SGCZ: variants seen among roughly 807,000 people sequenced by gnomAD.
The protein encoded by SGCZ is sarcoglycan zeta, also known as zeta-sarcoglycan.
In SGCZ, 40 loss-of-function variants were observed where a neutral mutation model predicts 41.3. The observed-to-expected ratio is 0.97, with a 90% CI of 0.75 to 1.26. The LOEUF is 1.26. Ranked by LOEUF, SGCZ falls within the 50% of genes most tolerant of loss-of-function variation. The pLI is 0.00. For synonymous variants in SGCZ, 206 were observed against 137.5 expected, an observed-to-expected ratio of 1.50 and a Z score of -3.49; for missense variants, 552 against 369.8, an observed-to-expected ratio of 1.49 and a Z score of -4.04.
intron 2 of SGCZ, among the ~76,000 whole-genome samples, chr8:14,379,997 G>A (rs1804300393): frequency 6.6e-6 from 1 of 152,158 alleles, no homozygotes; most frequent in Non-Finnish European, 1.5e-5. Context: ...CCTCCGAAGT[G>A]CTGGGATTAC....
intron 5 of SGCZ, among the ~76,000 whole-genome samples, chr8:14,120,114 CA>C (rs1802653982): frequency 6.6e-6 from 1 of 151,806 alleles, no homozygotes; most frequent in South Asian, 2.1e-4. Flanking sequence ...GGATAGATAC[CA>C]AATTTCTAAA....
intron 1 of SGCZ, among the ~76,000 whole-genome samples, chr8:14,992,548 T>G (rs1465989716): frequency 3.4e-5 from 5 of 149,210 alleles, no homozygotes; most frequent in Admixed American, 2.0e-4. Flanking sequence ...AAAACTAATG[T>G]TGGCATTGAT....
At chr8:14,993,768 T>C (rs560301562) in intron 1 of SGCZ, among the ~76,000 whole-genome samples, 11 of 152,222 alleles carry the variant, frequency 7.2e-5, no homozygotes, top group South Asian at 4.2e-4. Context: ...AGAAGAATAA[T>C]AGGGACAAGG....
At chr8:14,628,945 C>T (rs1435362045) in intron 1 of SGCZ, among the ~76,000 whole-genome samples, 1 of 152,118 alleles carries the variant, frequency 6.6e-6, no homozygotes, top group East Asian at 1.9e-4. Context: ...TGTTGTGATT[C>T]ACCCCATTTC....
At chr8:14,866,671 A>G (rs968472536) in intron 1 of SGCZ, among the ~76,000 whole-genome samples, 10 of 152,080 alleles carry the variant, frequency 6.6e-5, no homozygotes, top group Non-Finnish European at 1.5e-4. Flanking sequence ...TGAGCTGGGC[A>G]TGATGGTGCA....
In SGCZ at chr8:14,164,606, A is replaced by G. The variant is rs775680048; in HGVS notation, c.521T>C (p.Ile174Thr). Residue 174 changes from isoleucine (I) to threonine (T), a missense_variant, in exon 5 of 8, where the codon ATT (isoleucine) becomes ACT (threonine). Physicochemically the swap from Ile to Thr is moderately conservative, Grantham distance 89. Coordinates refer to ENST00000382080, the MANE Select transcript of SGCZ (RefSeq NM_139167.4). ...TGTAACTTTCAGCTTTTCAGCCCCAATGGTAATCTCATCTTCATCTGCAGA... is the reference window on the plus strand; with the variant it reads ...TGTAACTTTCAGCTTTTCAGCCCCAGTGGTAATCTCATCTTCATCTGCAGA... ...LFSADEDEIT[I>T]GAEKLKVTGT... 2.5e-5 allele frequency: 40 copies of G among 1,613,342 alleles called. No individual in the cohort carries two copies. The highest frequency in any genetic ancestry group is 8.3e-5 in the Admixed American group (5 of 59,922).
intron 3 of SGCZ, among the ~76,000 whole-genome samples, chr8:14,291,314 G>T (rs752912096): frequency 3.3e-5 from 5 of 149,662 alleles, no homozygotes; most frequent in Non-Finnish European, 7.5e-5. Context: ...TATTCTTACT[G>T]CAAAGAAATG....
chr8:14,702,964 G>A (rs377463778), intron 1 of SGCZ, among the ~76,000 whole-genome samples: 3 of 140,884 alleles, frequency 2.1e-5, no homozygotes, highest in Non-Finnish European at 4.7e-5. Flanking sequence ...TAGATAGATA[G>A]ATAGATAGAC....
chr8:14,425,354 C>T (rs1456833631), intron 2 of SGCZ, among the ~76,000 whole-genome samples: 1 of 152,130 alleles, frequency 6.6e-6, no homozygotes, highest in Non-Finnish European at 1.5e-5. Flanking sequence ...GTCGTGATGG[C>T]TCACACCTGT....
At chr8:14,391,603 C>A (rs1804778046) in intron 2 of SGCZ, among the ~76,000 whole-genome samples, 1 of 151,838 alleles carries the variant, frequency 6.6e-6, no homozygotes, top group African/African-American at 2.4e-5. Flanking sequence ...GGAAATCAGC[C>A]CAGTATTGCA....
chr8:14,686,639 G>A (rs1479094167), intron 1 of SGCZ, among the ~76,000 whole-genome samples: 1 of 152,062 alleles, frequency 6.6e-6, no homozygotes, highest in Non-Finnish European at 1.5e-5. Context: ...GGGTACTGGG[G>A]TGCAATAGAG....
intron 2 of SGCZ, among the ~76,000 whole-genome samples, chr8:14,541,192 G>A (rs745512288): frequency 1.3e-4 from 19 of 151,730 alleles, no homozygotes; most frequent in Admixed American, 3.3e-4. Flanking sequence ...GTGTAGGTTC[G>A]TTACATAGGT....
chr8:14,699,498 TA>T (rs1254436626), intron 1 of SGCZ, among the ~76,000 whole-genome samples: 16 of 151,780 alleles, frequency 1.1e-4, no homozygotes, highest in African/African-American at 3.4e-4. Flanking sequence ...ATTTAAGACC[TA>T]AAACTATAAA....
At chr8:14,693,583 T>TC (rs1808868946) in intron 1 of SGCZ, among the ~76,000 whole-genome samples, 4 of 13,496 alleles carry the variant, frequency 3.0e-4, no homozygotes, top group Non-Finnish European at 4.7e-4. Context: ...CACGACTGGC[T>TC]TTTTTTTTTT....
At chr8:14,629,814 T>C (rs115104147) in intron 1 of SGCZ, among the ~76,000 whole-genome samples, 1 of 152,062 alleles carries the variant, frequency 6.6e-6, no homozygotes, top group Non-Finnish European at 1.5e-5. Context: ...ATTGAGATGC[T>C]TCATGACTCA....
chr8:14,182,209 G>A (rs1804750877), intron 4 of SGCZ, among the ~76,000 whole-genome samples: 1 of 152,086 alleles, frequency 6.6e-6, no homozygotes, highest in African/African-American at 2.4e-5. Context: ...GGATTGTAGT[G>A]CTACAGATTC....
chr8:15,005,661 C>G (rs1802589538), intron 1 of SGCZ, among the ~76,000 whole-genome samples: 1 of 150,640 alleles, frequency 6.6e-6, no homozygotes, highest in Non-Finnish European at 1.5e-5. Flanking sequence ...TTACCAGAGT[C>G]TCTGTAAATA....
intron 1 of SGCZ, among the ~76,000 whole-genome samples, chr8:15,130,275 T>C (rs1257747121): frequency 6.6e-6 from 1 of 152,114 alleles, no homozygotes; most frequent in Non-Finnish European, 1.5e-5. Context: ...TTCATTACCA[T>C]AAGGATGCCA....
At chr8:15,053,945 C>T (rs1376818887) in intron 1 of SGCZ, among the ~76,000 whole-genome samples, 1 of 152,120 alleles carries the variant, frequency 6.6e-6, no homozygotes, top group Non-Finnish European at 1.5e-5. Context: ...CCTTATCATC[C>T]TTGACAAAAT....
Sources: gnomAD v4.1 joint callset for allele counts (sites outside exome capture counted in the v4.1 genomes callset) on GRCh38, gnomAD v4.1.1 for gene constraint, MANE v1.5 for transcripts, NCBI Gene and HGNC (gene_info 2026-07-23, HGNC 2026-07-21) for gene names.